Variants in SGCZ observed in about 807,000 individuals in gnomAD.
The protein encoded by SGCZ is sarcoglycan zeta.
A neutral mutation model predicts 41.3 loss-of-function variants in SGCZ; 40 were observed. The observed-to-expected ratio is 0.97, with a 90% CI of 0.75 to 1.26. SGCZ has a LOEUF of 1.26. Ranked by LOEUF, SGCZ falls within the 50% of genes most tolerant of loss-of-function variation. The probability of loss-of-function intolerance (pLI) is 0.00; values close to 1 mark genes in which losing one functional copy is unlikely to be tolerated. For missense variants in SGCZ, 552 were observed against 369.8 expected (o/e 1.49, Z -4.04); for synonymous variants, 206 against 137.5 (o/e 1.50, Z -3.49).
chr8:14,370,795 A>G (rs920845569), intron 2 of SGCZ, among the ~76,000 whole-genome samples: 2 of 151,962 alleles, frequency 1.3e-5, no homozygotes, highest in Middle Eastern at 3.2e-3. Context: ...ACATAAAATC[A>G]CTACAATCAT....
intron 2 of SGCZ, among the ~76,000 whole-genome samples, chr8:14,412,464 G>T (rs1017989603): frequency 1.3e-5 from 2 of 152,074 alleles, no homozygotes; most frequent in African/African-American, 4.8e-5. Flanking sequence ...CAAATGAATT[G>T]CATTTCCAAT....
intron 1 of SGCZ, among the ~76,000 whole-genome samples, chr8:15,087,002 G>C (rs115307920): frequency 8.1e-4 from 124 of 152,268 alleles, no homozygotes; most frequent in African/African-American, 2.9e-3. Context: ...ACATGACACA[G>C]AAGAACATGG....
chr8:14,451,249 GTTCT>G (rs1376294955), intron 2 of SGCZ, among the ~76,000 whole-genome samples: 2 of 152,118 alleles, frequency 1.3e-5, no homozygotes, highest in Non-Finnish European at 2.9e-5. Flanking sequence ...CTACCTTTAT[GTTCT>G]TTATTTTTCT....
At chr8:15,131,022 T>C (rs970711889) in intron 1 of SGCZ, among the ~76,000 whole-genome samples, 16 of 152,202 alleles carry the variant, frequency 1.1e-4, no homozygotes, top group African/African-American at 3.9e-4. Context: ...ACTAGGATTT[T>C]TTTCAAAATG....
intron 3 of SGCZ, among the ~76,000 whole-genome samples, chr8:14,273,835 C>T (rs759119293): frequency 6.6e-6 from 1 of 152,120 alleles, no homozygotes; most frequent in Non-Finnish European, 1.5e-5. Context: ...TATATTTTAT[C>T]TCAGCTCAAA....
intron 1 of SGCZ, among the ~76,000 whole-genome samples, chr8:14,943,762 G>C (rs1359990327): frequency 2.0e-5 from 3 of 152,030 alleles, no homozygotes; most frequent in Non-Finnish European, 4.4e-5. Flanking sequence ...CCTGGTTTCT[G>C]TTTTTCCCCT....
At chr8:14,810,762 G>C (rs1585281387) in intron 1 of SGCZ, among the ~76,000 whole-genome samples, 1 of 151,996 alleles carries the variant, frequency 6.6e-6, no homozygotes, top group East Asian at 1.9e-4. Context: ...ACAGAAATTG[G>C]TAAACACTAT....
At chr8:14,098,922 G>T (rs978342247) in intron 7 of SGCZ, among the ~76,000 whole-genome samples, 1 of 152,012 alleles carries the variant, frequency 6.6e-6, no homozygotes, top group Non-Finnish European at 1.5e-5. Flanking sequence ...GTGTTCTCTG[G>T]TTCTCCCATC....
At chr8:14,828,021 AG>A (rs1450116918) in intron 1 of SGCZ, among the ~76,000 whole-genome samples, 2 of 152,262 alleles carry the variant, frequency 1.3e-5, no homozygotes, top group African/African-American at 4.8e-5. Context: ...CATGTCTGAC[AG>A]GACCTCAACT....
intron 1 of SGCZ, among the ~76,000 whole-genome samples, chr8:14,728,762 A>C (rs907231871): frequency 2.6e-5 from 4 of 152,228 alleles, no homozygotes; most frequent in African/African-American, 9.6e-5. Flanking sequence ...AAGTGACAAC[A>C]GGCTCTAAGA....
At chr8:15,046,715 C>T (rs1804316235) in intron 1 of SGCZ, among the ~76,000 whole-genome samples, 1 of 151,990 alleles carries the variant, frequency 6.6e-6, no homozygotes, top group African/African-American at 2.4e-5. Flanking sequence ...TAGCCCCTTT[C>T]AGCAGACATA....
chr8:14,269,886 T>A (rs571654732), intron 3 of SGCZ, among the ~76,000 whole-genome samples: 3 of 152,162 alleles, frequency 2.0e-5, no homozygotes, highest in African/African-American at 7.2e-5. Context: ...GTATGTTTAT[T>A]TGTTATGTAA....
intron 1 of SGCZ, among the ~76,000 whole-genome samples, chr8:14,652,346 A>AAAGGGGGGG (rs201135943): frequency 2.0e-5 from 1 of 50,744 alleles, no homozygotes; most frequent in Non-Finnish European, 3.4e-5. Context: ...AAAAAAAAAA[A>AAAGGGGGGG]GGGGGGGGTG....
At chr8:14,999,976 C>G (rs1475314747) in intron 1 of SGCZ, among the ~76,000 whole-genome samples, 1 of 152,156 alleles carries the variant, frequency 6.6e-6, no homozygotes, top group Non-Finnish European at 1.5e-5. Flanking sequence ...GATGCTCACA[C>G]TCTCAGGACT....
chr8:14,734,004 G>A (rs1798951614), intron 1 of SGCZ, among the ~76,000 whole-genome samples: 1 of 152,180 alleles, frequency 6.6e-6, no homozygotes, highest in Non-Finnish European at 1.5e-5. Flanking sequence ...TCAGTTAATG[G>A]AGAAGCTGAA....
intron 1 of SGCZ, among the ~76,000 whole-genome samples, chr8:14,624,896 A>G (rs1478510436): frequency 6.6e-6 from 1 of 152,006 alleles, no homozygotes; most frequent in Admixed American, 6.6e-5. Context: ...TCTGACCTCA[A>G]TCTTTCTAAA....
chr8:14,181,747 G>A (rs545452552), intron 4 of SGCZ, among the ~76,000 whole-genome samples: 12 of 152,174 alleles, frequency 7.9e-5, no homozygotes, highest in South Asian at 6.2e-4. Context: ...TTTGTCTTCC[G>A]CCATGATTGT....
At chr8:15,097,329 A>C (rs1207408539) in intron 1 of SGCZ, among the ~76,000 whole-genome samples, 1 of 152,000 alleles carries the variant, frequency 6.6e-6, no homozygotes, top group Admixed American at 6.6e-5. Flanking sequence ...ATAGAACCAA[A>C]CTCTTTACCT....
chr8:15,154,197 C>G (rs918113690), intron 1 of SGCZ, among the ~76,000 whole-genome samples: 3 of 152,192 alleles, frequency 2.0e-5, no homozygotes, highest in African/African-American at 7.2e-5. Context: ...TATAGCAAGG[C>G]AAAGACAACC....
Sources: allele counts gnomAD v4.1 joint callset (sites outside exome capture counted in the v4.1 genomes callset), GRCh38; gene constraint gnomAD v4.1.1; transcripts MANE v1.5; gene names NCBI Gene and HGNC (gene_info 2026-07-23, HGNC 2026-07-21).